Variants in ADARB2 observed in about 807,000 individuals in gnomAD.
ADARB2 encodes the protein inactive double-stranded RNA-specific editase B2.
ADARB2 carries 25 observed loss-of-function variants against 62.2 expected under a neutral mutation model. That is an observed-to-expected ratio of 0.40 (90% CI 0.29 to 0.56). The LOEUF (loss-of-function observed/expected upper bound fraction) is 0.56, where lower values mean the gene tolerates loss of function less well. Among genes scored for constraint, ADARB2 ranks in the 20% least tolerant of loss-of-function variants. The probability of loss-of-function intolerance (pLI) is 0.43; values close to 1 mark genes in which losing one functional copy is unlikely to be tolerated. For synonymous variants in ADARB2, 572 were observed against 500.8 expected (o/e 1.14, Z -1.90); for missense variants, 1,071 against 1,077.4 (o/e 0.99, Z 0.08).
chr10:1,230,296 A>C (rs1437111170), intron 6 of ADARB2, among the ~76,000 whole-genome samples: 1 of 152,032 alleles, frequency 6.6e-6, no homozygotes, highest in East Asian at 1.9e-4. Flanking sequence ...CTGCAGGGTT[A>C]ATCCATAGGA....
intron 3 of ADARB2, among the ~76,000 whole-genome samples, chr10:1,317,358 A>C (rs1409123741): frequency 6.6e-6 from 1 of 152,250 alleles, no homozygotes; most frequent in Non-Finnish European, 1.5e-5. Flanking sequence ...TGTAATTACA[A>C]AACATCCCAT....
chr10:1,189,787 C>G (rs1325266325), intron 8 of ADARB2, among the ~76,000 whole-genome samples: 1 of 137,634 alleles, frequency 7.3e-6, no homozygotes, highest in Non-Finnish European at 1.6e-5. Context: ...CGTGGCGCTA[C>G]CTCCTTCCCC....
At chr10:1,569,372 G>T (rs1048993073) in intron 1 of ADARB2, among the ~76,000 whole-genome samples, 1 of 152,212 alleles carries the variant, frequency 6.6e-6, no homozygotes, top group Non-Finnish European at 1.5e-5. Flanking sequence ...CAGACACACA[G>T]CCTGTGTCAT....
At chr10:1,611,771 A>C (rs1007007062) in intron 1 of ADARB2, among the ~76,000 whole-genome samples, 1 of 152,214 alleles carries the variant, frequency 6.6e-6, no homozygotes, top group Admixed American at 6.5e-5. Flanking sequence ...ATATCGTCCC[A>C]GCGATGAGAT....
intron 2 of ADARB2, among the ~76,000 whole-genome samples, chr10:1,373,802 C>T (rs1832396443): frequency 1.2e-5 from 1 of 85,532 alleles, no homozygotes; most frequent in African/African-American, 3.8e-5. Context: ...GCGCACCTTT[C>T]CTAGTGAGAC....
intron 1 of ADARB2, among the ~76,000 whole-genome samples, chr10:1,687,865 T>TGAAA (rs1246255238): frequency 6.6e-6 from 1 of 152,106 alleles, no homozygotes; most frequent in African/African-American, 2.4e-5. Context: ...TAATGAAGCT[T>TGAAA]GAAGAGGAAA....
chr10:1,673,314 A>ATGTGTGTGTGTGTGTGTG (rs66687699), intron 1 of ADARB2, among the ~76,000 whole-genome samples: 403 of 149,696 alleles, frequency 2.7e-3, no homozygotes, highest in East Asian at 0.022. Context: ...ATTTCATTTT[A>ATGTGTGTGTGTGTGTGTG]TGTGTGTGTG....
At chr10:1,439,266 T>C (rs1830871796) in intron 1 of ADARB2, among the ~76,000 whole-genome samples, 1 of 124,498 alleles carries the variant, frequency 8.0e-6, no homozygotes, top group African/African-American at 3.6e-5. Flanking sequence ...GGCTCCTGAG[T>C]CTCCTCAGCA....
At chr10:1,409,431 C>T (rs915119005) in intron 1 of ADARB2, among the ~76,000 whole-genome samples, 2 of 152,194 alleles carry the variant, frequency 1.3e-5, no homozygotes, top group South Asian at 4.1e-4. Context: ...GCAACGGATT[C>T]TCAGTGGTGC....
chr10:1,386,925 G>A (rs977843905), intron 1 of ADARB2, among the ~76,000 whole-genome samples: 10 of 151,652 alleles, frequency 6.6e-5, no homozygotes, highest in African/African-American at 2.2e-4. Context: ...ATATTTTCTG[G>A]CCACAATATA....
At chr10:1,693,363 A>G (rs750186496) in intron 1 of ADARB2, among the ~76,000 whole-genome samples, 1 of 152,188 alleles carries the variant, frequency 6.6e-6, no homozygotes, top group Non-Finnish European at 1.5e-5. Flanking sequence ...AATGTGGGTA[A>G]GAAGACCTGG....
At position 1,373,689 on chromosome 10, in the gene ADARB2, C is replaced by T. The variant is rs142149270; in HGVS notation, c.187+5385G>A. ...TGGCCCTGGGAGACAGCACAGCTCC[C>T]CTGCCCTCTTGCCCTCACTGGGGCT... On this transcript the variant is annotated intron_variant, in intron 2 of 9. Coordinates refer to ENST00000381312, the MANE Select transcript of ADARB2 (RefSeq NM_018702.4). 2.0e-5 allele frequency among the ~76,000 whole-genome samples: 3 copies of T among 152,322 alleles called. No homozygotes were observed. In the East Asian group the frequency reaches 5.8e-4, roughly 29 times the overall value.
At chr10:1,549,623 C>T (rs540543209) in intron 1 of ADARB2, among the ~76,000 whole-genome samples, 7 of 152,172 alleles carry the variant, frequency 4.6e-5, no homozygotes, top group South Asian at 2.1e-4. Flanking sequence ...ATGCAGAGCA[C>T]GGCACTGAGA....
At chr10:1,653,322 T>A (rs1425096663) in intron 1 of ADARB2, among the ~76,000 whole-genome samples, 2 of 152,116 alleles carry the variant, frequency 1.3e-5, no homozygotes, top group Non-Finnish European at 2.9e-5. Flanking sequence ...TCAGAGCTGC[T>A]GTTGAGACAC....
chr10:1,627,999 C>T (rs968757709), intron 1 of ADARB2, among the ~76,000 whole-genome samples: 2 of 152,240 alleles, frequency 1.3e-5, no homozygotes, highest in Non-Finnish European at 2.9e-5. Flanking sequence ...GACCCTCCAT[C>T]CTGGAAAACT....
At chr10:1,260,692 A>G (rs1343531980) in intron 4 of ADARB2, among the ~76,000 whole-genome samples, 7 of 150,236 alleles carry the variant, frequency 4.7e-5, no homozygotes, top group East Asian at 3.9e-4. Context: ...GCTCATGGGT[A>G]GGAAGAATCA....
chr10:1,337,619 A>T (rs1334658491), intron 3 of ADARB2, among the ~76,000 whole-genome samples: 1 of 152,178 alleles, frequency 6.6e-6, no homozygotes, highest in Admixed American at 6.5e-5. Flanking sequence ...GGGGTTACCC[A>T]TCCCTCCCAC....
At chr10:1,652,642 ATTG>A (rs1339987054) in intron 1 of ADARB2, among the ~76,000 whole-genome samples, 1 of 152,258 alleles carries the variant, frequency 6.6e-6, no homozygotes, top group East Asian at 1.9e-4. Flanking sequence ...TGGGTAGCAT[ATTG>A]TTGTTCTTGG....
rs779526038 is a variant in ADARB2 at position 1,183,166 on chromosome 10, C to T, written c.*27G>A. 4 of 1,608,458 alleles carry T rather than the reference C, an allele frequency of 2.5e-6. No individual in the cohort carries two copies. The highest frequency in any genetic ancestry group is 2.2e-5 in the East Asian group (1 of 44,760). On this transcript the variant is annotated 3_prime_UTR_variant, in exon 10 of 10. Transcript: ENST00000381312. ...GGTCCCATCCCTCCAGCGTCCCGCT[C>T]AGCTCCAGCAGCCAGGAGCCCGCAG...
Sources: allele counts gnomAD v4.1 joint callset (sites outside exome capture counted in the v4.1 genomes callset), GRCh38; gene constraint gnomAD v4.1.1; transcripts MANE v1.5; gene names NCBI Gene and HGNC (gene_info 2026-07-23, HGNC 2026-07-21).